EDA: variants seen among roughly 807,000 people sequenced by gnomAD.
EDA encodes the protein ectodysplasin-A.
Under a neutral mutation model 23.6 loss-of-function variants are expected in EDA, and 2 were observed. The observed-to-expected ratio is 0.08, with a 90% CI of 0.03 to 0.27. EDA has a LOEUF of 0.27. EDA is among the 10% of genes least tolerant of loss of function. The pLI is 1.00. For synonymous variants in EDA, 131 were observed against 132.0 expected, an observed-to-expected ratio of 0.99 and a Z score of 0.05; for missense variants, 229 against 324.2, an observed-to-expected ratio of 0.71 and a Z score of 2.26.
intron 1 of EDA, among the ~76,000 whole-genome samples, chrX:69,734,049 A>G (rs1367827912): frequency 9.0e-6 from 1 of 111,270 alleles, no homozygotes; most frequent in Non-Finnish European, 1.9e-5. Flanking sequence ...GTAATTTGCC[A>G]GTGAAGTCAT....
At chrX:69,756,351 A>G (rs1467319777) in intron 1 of EDA, among the ~76,000 whole-genome samples, 1 of 112,090 alleles carries the variant, frequency 8.9e-6, no homozygotes, top group East Asian at 2.8e-4. Flanking sequence ...CATTTTTTAT[A>G]TATTAGAGGA....
intron 1 of EDA, among the ~76,000 whole-genome samples, chrX:69,885,915 G>A (rs1336878760): frequency 9.0e-6 from 1 of 111,717 alleles, no homozygotes; most frequent in African/African-American, 3.3e-5. Context: ...TATCAGATGT[G>A]GACCTTGAAA....
intron 1 of EDA, among the ~76,000 whole-genome samples, chrX:69,750,258 T>A (rs1469783985): frequency 1.0e-5 from 1 of 99,363 alleles, no homozygotes; most frequent in East Asian, 3.3e-4. Context: ...CACCTGTGAG[T>A]GAGAACATGC....
chrX:69,919,651 G>T (rs771188258), intron 1 of EDA, among the ~76,000 whole-genome samples: 19 of 111,940 alleles, frequency 1.7e-4, no homozygotes, highest in Admixed American at 3.8e-4. Context: ...GATTTACTGT[G>T]AATTTAATTG....
intron 1 of EDA, among the ~76,000 whole-genome samples, chrX:69,859,849 G>A (rs1393955047): frequency 9.0e-6 from 1 of 111,352 alleles, no homozygotes; most frequent in Non-Finnish European, 1.9e-5. Flanking sequence ...TTATTGTGTG[G>A]GTGTCTAAGT....
intron 1 of EDA, among the ~76,000 whole-genome samples, chrX:69,809,551 A>G (rs1434854205): frequency 8.9e-6 from 1 of 111,885 alleles, no homozygotes; most frequent in African/African-American, 3.2e-5. Flanking sequence ...GTCAATGAGC[A>G]CTATGACCCT....
At chrX:69,667,124 T>TTC (rs1933711154) in intron 1 of EDA, among the ~76,000 whole-genome samples, 2 of 97,376 alleles carry the variant, frequency 2.1e-5, no homozygotes, top group African/African-American at 7.7e-5. Flanking sequence ...TTTTTCTTTT[T>TTC]TTTTTTTTTT....
intron 1 of EDA, among the ~76,000 whole-genome samples, chrX:69,665,600 A>G (rs997303823): frequency 9.0e-6 from 1 of 111,137 alleles, no homozygotes; most frequent in Non-Finnish European, 1.9e-5. Context: ...CGTTGTCACA[A>G]AGTAATTGAC....
intron 2 of EDA, 46 bp from the exon 3 acceptor site, chrX:70,023,172 C>G: frequency 1.1e-6 from 1 of 896,015 alleles, no homozygotes; most frequent in Middle Eastern, 2.8e-4. Context: ...TAAACATTTT[C>G]TGTTCATTTC....
chrX:69,775,789 C>A (rs746733783), intron 1 of EDA, among the ~76,000 whole-genome samples: 43 of 111,976 alleles, frequency 3.8e-4, no homozygotes, highest in Non-Finnish European at 7.3e-4. Flanking sequence ...TCTGTCTCAA[C>A]ATCTATTATA....
intron 2 of EDA, among the ~76,000 whole-genome samples, chrX:69,968,437 C>T (rs375548949): frequency 6.7e-4 from 75 of 111,835 alleles, no homozygotes; most frequent in African/African-American, 2.2e-3. Flanking sequence ...GCTTTCCTCT[C>T]GGCATGAGGC....
chrX:69,991,504 A>G (rs978781753), intron 2 of EDA, among the ~76,000 whole-genome samples: 1 of 111,037 alleles, frequency 9.0e-6, no homozygotes, highest in Non-Finnish European at 1.9e-5. Context: ...TTTCACTACT[A>G]GAAGGTCAGG....
intron 1 of EDA, among the ~76,000 whole-genome samples, chrX:69,941,601 A>C (rs1365576614): frequency 9.0e-6 from 1 of 110,769 alleles, no homozygotes; most frequent in Non-Finnish European, 1.9e-5. Flanking sequence ...TATTCCTGCT[A>C]ATTTTTTTGT....
intron 6 of EDA, among the ~76,000 whole-genome samples, chrX:70,031,115 T>C (rs2020192333): frequency 8.9e-6 from 1 of 112,628 alleles, no homozygotes; most frequent in Non-Finnish European, 1.9e-5. Context: ...CTCATATTTG[T>C]ACGATACTTT....
intron 5 of EDA, 132 bp from the exon 6 acceptor site, chrX:70,030,337 C>G (rs2020180714): frequency 1.7e-6 from 1 of 592,804 alleles, no homozygotes; most frequent in Non-Finnish European, 2.8e-6. Context: ...CAGTAACATC[C>G]CAAGACAGGG....
chrX:69,969,878 G>A (rs2019224862), intron 2 of EDA, among the ~76,000 whole-genome samples: 1 of 111,576 alleles, frequency 9.0e-6, no homozygotes, highest in Non-Finnish European at 1.9e-5. Flanking sequence ...ACCAAGGCAG[G>A]AGGATCTCTT....
chrX:69,676,484 C>CTGTGTGTG (rs372593855), intron 1 of EDA, among the ~76,000 whole-genome samples: 55 of 106,404 alleles, frequency 5.2e-4, no homozygotes, highest in African/African-American at 1.9e-3. Flanking sequence ...ATGAGTTTTT[C>CTGTGTGTG]TGTGTGTGTG....
At chrX:69,899,765 T>TAAAGAAAGTGGAATAG (rs2147641718) in intron 1 of EDA, among the ~76,000 whole-genome samples, 1 of 111,739 alleles carries the variant, frequency 8.9e-6, no homozygotes, top group African/African-American at 3.2e-5. Flanking sequence ...CTCTATTTTA[T>TAAAGAAAGTGGAATAG]AAAGAAAGTG....
chrX:69,991,382 C>T (rs913208718), intron 2 of EDA, among the ~76,000 whole-genome samples: 4 of 111,259 alleles, frequency 3.6e-5, no homozygotes, highest in African/African-American at 1.3e-4. Flanking sequence ...TTTCTAAGCC[C>T]TTGCAATGCC....
Sources: allele counts gnomAD v4.1 joint callset (sites outside exome capture counted in the v4.1 genomes callset), GRCh38; gene constraint gnomAD v4.1.1; transcripts MANE v1.5; gene names NCBI Gene and HGNC (gene_info 2026-07-23, HGNC 2026-07-21).